The following SFMBT2 variants were observed in gnomAD, a reference collection of about 807,000 sequenced individuals.
SFMBT2 encodes Scm like with four mbt domains 2, also known as scm-like with four MBT domains protein 2.
In SFMBT2, 38 loss-of-function variants were observed where a neutral mutation model predicts 110.1. The ratio of observed to expected loss-of-function variants is 0.35; its 90% CI spans 0.27 to 0.45. SFMBT2 has a LOEUF of 0.45. SFMBT2 is among the 20% of genes least tolerant of loss of function. The pLI, the probability that SFMBT2 is intolerant of heterozygous loss-of-function variation, is 1.00. For missense variants in SFMBT2, 1,011 were observed against 1,094.9 expected (o/e 0.92, Z 1.08); for synonymous variants, 425 against 425.4 (o/e 1.00, Z 0.01).
At chr10:7,288,866 T>A (rs929483746) in intron 4 of SFMBT2, among the ~76,000 whole-genome samples, 2 of 128,622 alleles carry the variant, frequency 1.6e-5, no homozygotes, top group Non-Finnish European at 3.3e-5. Flanking sequence ...CCCCCCCCCA[T>A]CTCCACTAGA....
chr10:7,237,384 G>T (rs977459325), intron 9 of SFMBT2, among the ~76,000 whole-genome samples: 1 of 152,204 alleles, frequency 6.6e-6, no homozygotes, highest in African/African-American at 2.4e-5. Flanking sequence ...TCTGAAAAAT[G>T]TTAATAAATA....
At chr10:7,182,328 G>A (rs555187232) in intron 16 of SFMBT2, among the ~76,000 whole-genome samples, 20 of 152,324 alleles carry the variant, frequency 1.3e-4, no homozygotes, top group South Asian at 8.3e-4. Context: ...ACAGGCCAAC[G>A]CACTCAGCCT....
intron 2 of SFMBT2, chr10:7,370,759 G>GGGCTGTGATGTA (rs768678569): frequency 1.1e-6 from 1 of 910,102 alleles, no homozygotes; most frequent in Non-Finnish European, 1.3e-6. Flanking sequence ...CGCTGAGCAA[G>GGGCTGTGATGTA]GGCTGTGATG....
In SFMBT2 at chr10:7,237,440, T is replaced by C. The variant is rs1840291876; in HGVS notation, c.1120+6118A>G. 2.6e-5 allele frequency among the ~76,000 whole-genome samples: 4 copies of C among 152,350 alleles called. No homozygotes were observed. In the South Asian group the frequency reaches 6.2e-4, roughly 24 times the overall value. Reference sequence around the variant, plus strand: ...CATAGCGCATTATATATGTATATAGTCAAATAAGGTCTATTTTAATTTGAC... The same window carrying C: ...CATAGCGCATTATATATGTATATAGCCAAATAAGGTCTATTTTAATTTGAC... On this transcript the variant is annotated intron_variant, in intron 9 of 20. Coordinates refer to ENST00000397167, the MANE Select transcript of SFMBT2 (RefSeq NM_001387889.1).
At chr10:7,185,436 C>G (rs779409988) in intron 16 of SFMBT2, among the ~76,000 whole-genome samples, 1 of 152,180 alleles carries the variant, frequency 6.6e-6, no homozygotes, top group Admixed American at 6.5e-5. Context: ...AAGACAAATG[C>G]TTGCGTAAAA....
At chr10:7,397,767 C>T (rs1357025324) in intron 1 of SFMBT2, among the ~76,000 whole-genome samples, 3 of 152,208 alleles carry the variant, frequency 2.0e-5, no homozygotes, top group Non-Finnish European at 2.9e-5. Flanking sequence ...GATGAAGCGC[C>T]GTGTTAAGTG....
At chr10:7,287,825 G>A (rs1399250229) in intron 4 of SFMBT2, among the ~76,000 whole-genome samples, 1 of 152,148 alleles carries the variant, frequency 6.6e-6, no homozygotes, top group South Asian at 2.1e-4. Context: ...GGCCCCAACG[G>A]GGGATCCACC....
At chr10:7,332,803 CT>C (rs1006428066) in intron 4 of SFMBT2, among the ~76,000 whole-genome samples, 1 of 152,242 alleles carries the variant, frequency 6.6e-6, no homozygotes, top group Non-Finnish European at 1.5e-5. Context: ...CCTTGGAAGC[CT>C]TAACAAAGGA....
At chr10:7,342,401 T>TC (rs1222833391) in intron 4 of SFMBT2, among the ~76,000 whole-genome samples, 103 of 73,490 alleles carry the variant, frequency 1.4e-3, no homozygotes, top group Middle Eastern at 5.6e-3. Flanking sequence ...TGAGTCTTTT[T>TC]TTTTTTTTTT....
chr10:7,272,121 G>A (rs1841604575), intron 7 of SFMBT2, among the ~76,000 whole-genome samples: 1 of 152,182 alleles, frequency 6.6e-6, no homozygotes, highest in African/African-American at 2.4e-5. Context: ...GGCTCAGCAT[G>A]TCCAGGAAGG....
chr10:7,314,790 C>G (rs1462413812), intron 4 of SFMBT2, among the ~76,000 whole-genome samples: 1 of 151,970 alleles, frequency 6.6e-6, no homozygotes, highest in East Asian at 1.9e-4. Context: ...CCCCAGTATT[C>G]CCAGCTACCT....
rs554376288 is a variant in SFMBT2 at position 7,170,006 on chromosome 10, G to T, written c.2544+922C>A. On this transcript the variant is annotated intron_variant, in intron 20 of 20. Coordinates refer to ENST00000397167, the MANE Select transcript of SFMBT2 (RefSeq NM_001387889.1). The surrounding 1 kb of genome is among the most constrained non-coding windows in gnomAD (Gnocchi z 4.6). ...CAATGACGAAAGCAGCATTCAGTAC[G>T]ACACACCAGCCAGCGGGCTTCTGCT... Among the ~76,000 whole-genome samples, 1 of 152,274 alleles carries T rather than the reference G, an allele frequency of 6.6e-6. No homozygotes were observed. The highest frequency in any genetic ancestry group is 1.9e-4 in the East Asian group (1 of 5,188).
intron 9 of SFMBT2, among the ~76,000 whole-genome samples, chr10:7,233,265 C>T (rs1840161199): frequency 6.6e-6 from 1 of 152,040 alleles, no homozygotes; most frequent in African/African-American, 2.4e-5. Context: ...CTTTAAAAAA[C>T]CACTGTAGAT....
chr10:7,345,092 C>G (rs1423555593), intron 4 of SFMBT2, among the ~76,000 whole-genome samples: 1 of 151,674 alleles, frequency 6.6e-6, no homozygotes, highest in Non-Finnish European at 1.5e-5. Flanking sequence ...CAGGGCTTCA[C>G]AGAGAGATGG....
At chr10:7,376,094 C>T (rs573958392) in intron 2 of SFMBT2, among the ~76,000 whole-genome samples, 2 of 152,274 alleles carry the variant, frequency 1.3e-5, no homozygotes, top group African/African-American at 4.8e-5. Context: ...GGAAATTTCA[C>T]GTCGCAAGCC....
chr10:7,314,862 C>T (rs551792255), intron 4 of SFMBT2, among the ~76,000 whole-genome samples: 1 of 149,350 alleles, frequency 6.7e-6, no homozygotes, highest in African/African-American at 2.5e-5. Flanking sequence ...GAGCCGAGAT[C>T]GTGTCACTGC....
At chr10:7,213,744 C>T (rs536567782) in intron 11 of SFMBT2, among the ~76,000 whole-genome samples, 1 of 149,516 alleles carries the variant, frequency 6.7e-6, no homozygotes, top group African/African-American at 2.5e-5. Flanking sequence ...CACTCAGATC[C>T]GTGTGCGAGG....
intron 7 of SFMBT2, among the ~76,000 whole-genome samples, chr10:7,274,046 T>C (rs1267687952): frequency 1.3e-5 from 2 of 152,178 alleles, no homozygotes; most frequent in Non-Finnish European, 2.9e-5. Context: ...TCATCAGTGA[T>C]AGACTGGATT....
chr10:7,392,075 T>C (rs564094021), intron 1 of SFMBT2, among the ~76,000 whole-genome samples: 1 of 152,254 alleles, frequency 6.6e-6, no homozygotes, highest in South Asian at 2.1e-4. Flanking sequence ...TCCCAGAAGT[T>C]AAATTATAGG....
Sources: gnomAD v4.1 joint callset for allele counts (sites outside exome capture counted in the v4.1 genomes callset) on GRCh38, gnomAD v4.1.1 for gene constraint, Gnocchi (gnomAD v3.1) non-coding constraint, MANE v1.5 for transcripts, NCBI Gene and HGNC (gene_info 2026-07-23, HGNC 2026-07-21) for gene names.